The following DDHD2 variants were observed in gnomAD, a reference collection of about 807,000 sequenced individuals.
DDHD2 encodes DDHD domain containing 2.
In DDHD2, 62 loss-of-function variants were observed where a neutral mutation model predicts 91.2. The observed-to-expected ratio is 0.68, with a 90% CI of 0.55 to 0.84. The LOEUF (loss-of-function observed/expected upper bound fraction) is 0.84, where lower values mean the gene tolerates loss of function less well. Among genes scored for constraint, DDHD2 ranks in the 40% least tolerant of loss-of-function variants. DDHD2 has a pLI of 0.00. For missense variants in DDHD2, 740 were observed against 846.9 expected (o/e 0.87, Z 1.57); for synonymous variants, 271 against 293.9 (o/e 0.92, Z 0.80).
intron 7 of DDHD2, among the ~76,000 whole-genome samples, chr8:38,242,942 A>C (rs1187250511): frequency 1.3e-5 from 2 of 152,184 alleles, no homozygotes; most frequent in African/African-American, 4.8e-5. Context: ...ATATCTAGCT[A>C]TGGGGCTCTC....
intron 3 of DDHD2, among the ~76,000 whole-genome samples, chr8:38,236,864 C>T (rs964481691): frequency 6.6e-5 from 10 of 151,658 alleles, no homozygotes; most frequent in African/African-American, 2.4e-4. Flanking sequence ...GGGGTTTTGC[C>T]GTGTTGGCCA....
rs750194962 is a variant in DDHD2, at chr8:38,233,048, G to A, written c.54G>A (p.Pro18=). ...QEQLSQSDPS[P]SPNSCSSFEL... is the part of the protein sequence containing the mutation. ...AGTTGTCCCAGTCAGATCCATCTCC[G>A]TCACCAAACTCATGTAGTTCCTTTG... Residue 18 remains proline, a synonymous_variant, in exon 2 of 18, where the codon CCG becomes CCA. Transcript: ENST00000397166. 21 of 1,614,024 alleles carry A rather than the reference G, an allele frequency of 1.3e-5. No homozygotes were observed. The highest frequency in any genetic ancestry group is 8.5e-6 in the Non-Finnish European group (10 of 1,180,048).
At chr8:38,271,471 T>G (rs1215661794), downstream of DDHD2, 4 of 151,792 alleles carry the variant, frequency 2.6e-5, no homozygotes. Flanking sequence ...TAAAAGTTGG[T>G]GAGATTTCAG....
intron 1 of DDHD2, chr8:38,268,480 G>C: frequency 6.4e-7 from 1 of 1,556,564 alleles, no homozygotes; most frequent in Non-Finnish European, 8.7e-7. Flanking sequence ...GAATGTCAGA[G>C]GTTAAAAACA....
At chr8:38,268,120 C>A in intron 1 of DDHD2, 1 of 1,449,016 alleles carries the variant, frequency 6.9e-7, no homozygotes. Context: ...CTTTTGTAGC[C>A]GAGAACTTTT....
intron 7 of DDHD2, among the ~76,000 whole-genome samples, chr8:38,244,816 A>G (rs900297610): frequency 3.9e-5 from 6 of 151,944 alleles, no homozygotes; most frequent in African/African-American, 1.4e-4. Flanking sequence ...TGCCCGCCTC[A>G]GCCTCCCAAA....
chr8:38,260,236 T>C lies in DDHD2; in HGVS notation c.*26+89T>C, dbSNP rs984412631. The C allele has an allele frequency of 1.1e-5, 7 of 666,206 alleles. No individual in the cohort carries two copies. The African/African-American group carries it at 1.1e-4, about 10-fold the overall frequency. 41.3% of individuals were successfully genotyped at this position (666,206 alleles called of 1,614,324 possible). ...TGGAGCCTCAAGCTCTTTTTAAATATACTAGCTGTTGCCTGTCACCAAGAT... is the reference window on the plus strand; with the variant it reads ...TGGAGCCTCAAGCTCTTTTTAAATACACTAGCTGTTGCCTGTCACCAAGAT... On this transcript the variant is annotated intron_variant, in intron 17 of 17. Transcript: ENST00000397166.
At chr8:38,238,326 T>C (rs1054498791) in intron 5 of DDHD2, 117 bp downstream of exon 5, 4 of 1,499,594 alleles carry the variant, frequency 2.7e-6, no homozygotes, top group African/African-American at 1.4e-5. Context: ...TTTAATCATA[T>C]GGGTTTATTC....
At chr8:38,259,391 T>G (rs1236424296) in intron 16 of DDHD2, among the ~76,000 whole-genome samples, 2 of 151,444 alleles carry the variant, frequency 1.3e-5, no homozygotes, top group East Asian at 1.9e-4. Context: ...TGGCTAGTTT[T>G]TTTTTTTTTT....
chr8:38,253,726 T>C lies in DDHD2; in HGVS notation c.2054+8T>C. On this transcript the variant is annotated splice_region_variant and intron_variant, in intron 16 of 17. Coordinates refer to ENST00000397166, the MANE Select transcript of DDHD2 (RefSeq NM_015214.3). ...AAGCCATCTATGCTACTGGTAAATG[T>C]TGTTTATTTTTGTCTGTTTTGTTTG... 6.2e-7 allele frequency: 1 copy of C among 1,610,764 alleles called. No homozygotes were observed. Among genetic ancestry groups the C allele is most frequent in the Non-Finnish European group, 8.5e-7 (1 of 1,178,542 alleles).
At chr8:38,264,848 G>C, downstream of DDHD2, 1 of 1,598,728 alleles carries the variant, frequency 6.3e-7, no homozygotes, top group South Asian at 1.1e-5. Context: ...AGTATAATAA[G>C]CTTTGTTCAG....
At position 38,233,006 on chromosome 8, in the gene DDHD2, G is replaced by A. The variant is rs760594462; in HGVS notation, c.12G>A (p.Val4=). 3 of 1,614,112 alleles carry A rather than the reference G, an allele frequency of 1.9e-6. No individual in the cohort carries two copies. Among genetic ancestry groups the A allele is most frequent in the Non-Finnish European group, 2.5e-6 (3 of 1,180,000 alleles). Residue 4 remains valine, a synonymous_variant, in exon 2 of 18, where the codon GTG becomes GTA. Coordinates refer to ENST00000397166, the MANE Select transcript of DDHD2 (RefSeq NM_015214.3). MSS[V]QSQQEQLSQS... ...CTTTAGAGAGCGAAATGTCATCAGT[G>A]CAGTCACAACAGGAGCAGTTGTCCC...
downstream of DDHD2, chr8:38,264,346 G>T: frequency 2.1e-6 from 2 of 972,956 alleles, no homozygotes; most frequent in Non-Finnish European, 2.9e-6. Flanking sequence ...TCACCATGTT[G>T]GCCAGGCTGG....
At chr8:38,270,767 T>G (rs905711597) in intron 1 of DDHD2, 1 of 152,234 alleles carries the variant, frequency 6.6e-6, no homozygotes, top group African/African-American at 2.4e-5. Flanking sequence ...AATAAATGAC[T>G]TTGGCATCTA....
At chr8:38,253,204 AATTTAATTTCAC>A (rs1191069015) in intron 15 of DDHD2, 77 bp downstream of exon 15, 11 of 1,358,246 alleles carry the variant, frequency 8.1e-6, no homozygotes, top group Non-Finnish European at 9.0e-6. Flanking sequence ...TAGTTAATTT[AATTTAATTTCAC>A]ATTTAATTTC....
downstream of DDHD2, chr8:38,267,538 T>TA: frequency 1.1e-6 from 1 of 920,906 alleles, no homozygotes; most frequent in Non-Finnish European, 1.6e-6. Flanking sequence ...GTCACCACAC[T>TA]AAGAGAAAAG....
intron 1 of DDHD2, chr8:38,269,071 C>A: frequency 6.6e-7 from 1 of 1,524,378 alleles, no homozygotes; most frequent in East Asian, 2.6e-5. Context: ...CGCCCCGTGC[C>A]GCCCGCCTGC....
rs188349300 is a variant in DDHD2, at chr8:38,238,099, A to T, written c.512A>T (p.His171Leu). The T allele has an allele frequency of 8.7e-6, 14 of 1,610,050 alleles. No homozygotes were observed. The Admixed American group carries it at 2.0e-4, about 23-fold the overall frequency. ...TCTGTTCTGTTTAAGCTTATGGTGC[A>T]TTACCAGCCAGTTGCAGGGTCTGAT... ...IILHNPKLMV[H>L]YQPVAGSDDW... The change falls in exon 5 of 18, where the codon CAT (histidine) becomes CTT (leucine). Residue 171 changes from histidine to leucine, a missense_variant. Around this residue, in one of 2 missense-constraint regions of DDHD2, gnomAD observed 693 missense variants for 764.2 expected, o/e 0.91. Transcript: ENST00000397166.
intron 2 of DDHD2, among the ~76,000 whole-genome samples, chr8:38,233,493 A>G (rs1301219636): frequency 6.6e-6 from 1 of 152,026 alleles, no homozygotes; most frequent in African/African-American, 2.4e-5. Context: ...TATATTGTCT[A>G]GGCTGGTCTT....
Sources: gnomAD v4.1 joint callset for allele counts (sites outside exome capture counted in the v4.1 genomes callset) on GRCh38, gnomAD v4.1.1 for gene constraint, gnomAD v4.1.1 regional missense constraint, MANE v1.5 for transcripts, NCBI Gene and HGNC (gene_info 2026-07-23, HGNC 2026-07-21) for gene names.